The following MACROD2 variants were observed in gnomAD, a reference collection of about 807,000 sequenced individuals.
MACROD2 encodes the protein ADP-ribose glycohydrolase MACROD2.
MACROD2 carries 36 observed loss-of-function variants against 70.4 expected under a neutral mutation model. The observed-to-expected ratio is 0.51, with a 90% CI of 0.39 to 0.68. MACROD2 has a LOEUF of 0.68. MACROD2 is among the 30% of genes least tolerant of loss of function. The pLI, the probability that MACROD2 is intolerant of heterozygous loss-of-function variation, is 0.00. For missense variants in MACROD2, 496 were observed against 538.4 expected, an observed-to-expected ratio of 0.92 and a Z score of 0.78; for synonymous variants, 172 against 178.8, an observed-to-expected ratio of 0.96 and a Z score of 0.30.
chr20:14,689,325 ATCTGTT>A (rs1317235249), intron 5 of MACROD2, among the ~76,000 whole-genome samples: 3 of 152,110 alleles, frequency 2.0e-5, no homozygotes, highest in Non-Finnish European at 4.4e-5. Context: ...TTTGTTTCTT[ATCTGTT>A]TCTATCTACC....
chr20:14,981,253 G>A (rs1370303089), intron 5 of MACROD2, among the ~76,000 whole-genome samples: 2 of 151,928 alleles, frequency 1.3e-5, no homozygotes, highest in Non-Finnish European at 2.9e-5. Context: ...CAAACCCTTG[G>A]ACACATTAAA....
intron 5 of MACROD2, among the ~76,000 whole-genome samples, chr20:15,212,028 C>T (rs1234506702): frequency 6.6e-6 from 1 of 152,140 alleles, no homozygotes; most frequent in Non-Finnish European, 1.5e-5. Context: ...TTAATATCTG[C>T]CTTTTTGTTG....
intron 4 of MACROD2, among the ~76,000 whole-genome samples, chr20:14,565,362 T>A (rs1346136046): frequency 1.3e-5 from 2 of 151,888 alleles, no homozygotes; most frequent in East Asian, 3.9e-4. Flanking sequence ...AAAAAAAATT[T>A]TTTTTTAAAA....
In MACROD2 at chr20:16,020,383, C is replaced by T. The variant is rs1254617666; in HGVS notation, c.1154-20818C>T. On this transcript the variant is annotated intron_variant, in intron 15 of 17. Transcript: ENST00000684519. ...GATGTAACTTTGTCTGGAAATATCT[C>T]CCTGAAGCCACTCTCTACCTCCCCT... Among the ~76,000 whole-genome samples, 5 of 152,082 alleles carry T rather than the reference C, an allele frequency of 3.3e-5. No homozygotes were observed. The East Asian group carries it at 9.7e-4, about 29-fold the overall frequency.
chr20:14,799,157 A>G (rs576646403), intron 5 of MACROD2, among the ~76,000 whole-genome samples: 1 of 152,174 alleles, frequency 6.6e-6, no homozygotes, highest in African/African-American at 2.4e-5. Flanking sequence ...ATAACTTAAT[A>G]CTATTTTATC....
chr20:15,826,695 T>G (rs991108499), intron 8 of MACROD2, among the ~76,000 whole-genome samples: 3 of 152,230 alleles, frequency 2.0e-5, no homozygotes, highest in Non-Finnish European at 4.4e-5. Context: ...GCGTTATAAA[T>G]TATATGAGTG....
chr20:15,783,448 T>G (rs1025118062), intron 8 of MACROD2, among the ~76,000 whole-genome samples: 1 of 152,156 alleles, frequency 6.6e-6, no homozygotes, highest in African/African-American at 2.4e-5. Flanking sequence ...CACTCTGGAG[T>G]TTCTACCTAT....
intron 3 of MACROD2, among the ~76,000 whole-genome samples, chr20:14,119,158 GA>G (rs1348171367): frequency 5.4e-4 from 44 of 80,798 alleles, no homozygotes; most frequent in African/African-American, 1.6e-3. Flanking sequence ...AAATGACTGT[GA>G]TTTTTTTTTT....
At chr20:15,994,147 G>C (rs1877954022) in intron 15 of MACROD2, among the ~76,000 whole-genome samples, 1 of 152,082 alleles carries the variant, frequency 6.6e-6, no homozygotes, top group Non-Finnish European at 1.5e-5. Context: ...AAAATACTAG[G>C]GTAGTATCAG....
chr20:15,367,425 G>T (rs16995606), intron 6 of MACROD2, among the ~76,000 whole-genome samples: 1,847 of 152,230 alleles, frequency 0.012, 35 homozygotes, highest in African/African-American at 0.038. Context: ...AAAGCATGAT[G>T]AATATTATTC....
At chr20:14,003,650 G>C in intron 2 of MACROD2, 1 of 453,150 alleles carries the variant, frequency 2.2e-6, no homozygotes, top group Non-Finnish European at 4.4e-6. Flanking sequence ...CAGAACAGAA[G>C]GGTGGGAAGC....
In MACROD2 at chr20:15,084,689, A is replaced by C. The variant is rs566873937; in HGVS notation, c.419-145251A>C. 3.5e-4 allele frequency among the ~76,000 whole-genome samples: 53 copies of C among 152,250 alleles called. 1 individual carries two copies. The highest frequency in any genetic ancestry group is 1.3e-3 in the African/African-American group (53 of 41,552). On this transcript the variant is annotated intron_variant, in intron 5 of 17. Transcript: ENST00000684519. ...GTTACTGTATTATGAATAATTTTAG[A>C]TGTGGAAAAAAGTTATTTTTTTCTT...
chr20:14,574,567 G>A (rs1463459458), intron 4 of MACROD2, among the ~76,000 whole-genome samples: 1 of 151,880 alleles, frequency 6.6e-6, no homozygotes, highest in Non-Finnish European at 1.5e-5. Context: ...TCTGGCTAAG[G>A]CACATTAATG....
chr20:14,274,775 A>C (rs2082233984), intron 3 of MACROD2, among the ~76,000 whole-genome samples: 1 of 151,930 alleles, frequency 6.6e-6, no homozygotes, highest in African/African-American at 2.4e-5. Context: ...AATCTCCTTA[A>C]GCTGATAAGC....
At chr20:15,469,910 C>G (rs1409763876) in intron 7 of MACROD2, among the ~76,000 whole-genome samples, 1 of 152,126 alleles carries the variant, frequency 6.6e-6, no homozygotes, top group East Asian at 1.9e-4. Flanking sequence ...TTTCTAGAGG[C>G]ACAGGTAAGT....
intron 6 of MACROD2, among the ~76,000 whole-genome samples, chr20:15,273,186 C>T (rs1012858936): frequency 9.2e-5 from 14 of 152,166 alleles, no homozygotes; most frequent in African/African-American, 3.1e-4. Flanking sequence ...CTGATGGGCA[C>T]AATCTAATCA....
chr20:14,531,985 G>T (rs554225505), intron 4 of MACROD2, among the ~76,000 whole-genome samples: 3 of 152,162 alleles, frequency 2.0e-5, no homozygotes, highest in Non-Finnish European at 2.9e-5. Flanking sequence ...GACGTTCACT[G>T]TGTGGACACA....
At chr20:14,116,403 C>T (rs1009749149) in intron 3 of MACROD2, among the ~76,000 whole-genome samples, 23 of 152,072 alleles carry the variant, frequency 1.5e-4, no homozygotes, top group Admixed American at 1.4e-3. Flanking sequence ...AAAGTGTTTG[C>T]GGAATTAATG....
chr20:14,103,497 A>G (rs2054326257), intron 3 of MACROD2, among the ~76,000 whole-genome samples: 1 of 152,070 alleles, frequency 6.6e-6, no homozygotes, highest in South Asian at 2.1e-4. Context: ...AAAAGAGAAC[A>G]GTTTTTTTTT....
Sources: allele counts gnomAD v4.1 joint callset (sites outside exome capture counted in the v4.1 genomes callset), GRCh38; gene constraint gnomAD v4.1.1; transcripts MANE v1.5; gene names NCBI Gene and HGNC (gene_info 2026-07-23, HGNC 2026-07-21).